Variants in AEN observed in about 807,000 individuals in gnomAD.
The protein encoded by AEN is apoptosis enhancing nuclease.
A neutral mutation model predicts 17.7 loss-of-function variants in AEN; 21 were observed. The ratio of observed to expected loss-of-function variants is 1.19; its 90% CI spans 0.84 to 1.71. The LOEUF (loss-of-function observed/expected upper bound fraction) is 1.71, where lower values mean the gene tolerates loss of function less well. Ranked by LOEUF, AEN falls within the 40% of genes most tolerant of loss-of-function variation. The probability of loss-of-function intolerance (pLI) is 0.00; values close to 1 mark genes in which losing one functional copy is unlikely to be tolerated. For synonymous variants in AEN, 190 were observed against 173.0 expected (o/e 1.10, Z -0.77); for missense variants, 462 against 435.9 (o/e 1.06, Z -0.53).
Position 88,630,634 on chromosome 15 carries a change from C to A in AEN, c.*340C>A, listed in dbSNP as rs1001333505. 4 of 322,318 alleles carry A rather than the reference C, an allele frequency of 1.2e-5. No homozygotes were observed. The Admixed American group carries it at 1.7e-4, about 14-fold the overall frequency. 20.0% of individuals were successfully genotyped at this position (322,318 alleles called of 1,614,324 possible). On this transcript the variant is annotated 3_prime_UTR_variant, in exon 4 of 4. Coordinates refer to ENST00000332810, the MANE Select transcript of AEN (RefSeq NM_022767.4). This position sits in a 1 kb window ranked among gnomAD's most constrained non-coding sequence, Gnocchi z 5.1. ...AGGTTGCCGTGGCCTTCCCCACCCC[C>A]CAGATCTCCTGAGTCATCATGCTGT...
At chr15:88,612,354 C>A in the AEN span, among the ~76,000 whole-genome samples, 1 of 151,954 alleles carries the variant, frequency 6.6e-6, no homozygotes, top group South Asian at 2.1e-4. Flanking sequence ...TACCTGGCAG[C>A]AGGGGGGACA....
At chr15:88,606,383 G>C in the AEN span, among the ~76,000 whole-genome samples, 1 of 152,142 alleles carries the variant, frequency 6.6e-6, no homozygotes, top group African/African-American at 2.4e-5. Flanking sequence ...GATGAAATCT[G>C]TTCAAAAAGA....
intron 1 of AEN, among the ~76,000 whole-genome samples, chr15:88,624,282 G>T (rs2057823569): frequency 6.6e-6 from 1 of 152,172 alleles, no homozygotes; most frequent in African/African-American, 2.4e-5. Context: ...AGGGCTTCTG[G>T]GTGGTGGCGG....
At chr15:88,606,246 C>T in the AEN span, among the ~76,000 whole-genome samples, 1 of 152,148 alleles carries the variant, frequency 6.6e-6, no homozygotes, top group Non-Finnish European at 1.5e-5. Flanking sequence ...TCCCTTCCTT[C>T]CTTCCTCCCC....
upstream of AEN, among the ~76,000 whole-genome samples, chr15:88,618,867 C>G (rs1436246990): frequency 3.9e-5 from 6 of 152,250 alleles, no homozygotes; most frequent in East Asian, 1.2e-3. Flanking sequence ...AGTGCAGTGG[C>G]TCAATCATAG....
chr15:88,611,619 T>G, the AEN span, among the ~76,000 whole-genome samples: 1 of 151,862 alleles, frequency 6.6e-6, no homozygotes, highest in Non-Finnish European at 1.5e-5. Context: ...AAAACAACTG[T>G]GTCCATTATA....
chr15:88,609,294 T>G, the AEN span, among the ~76,000 whole-genome samples: 11 of 152,366 alleles, frequency 7.2e-5, no homozygotes, highest in East Asian at 2.1e-3. Context: ...AAAGTAGGGC[T>G]GAACAAATGT....
rs2057920192 is a variant in AEN at position 88,630,926 on chromosome 15, C to T, written c.*632C>T. ...AGGAACTCCGTGCCTGGCCTGTCAGCTCCCTGCTAGGCTACAGTGGAATAG... is the reference window on the plus strand; with the variant it reads ...AGGAACTCCGTGCCTGGCCTGTCAGTTCCCTGCTAGGCTACAGTGGAATAG... On this transcript the variant is annotated 3_prime_UTR_variant, in exon 4 of 4. Transcript: ENST00000332810. The surrounding 1 kb of genome is among the most constrained non-coding windows in gnomAD (Gnocchi z 5.1). 1 of 316,010 alleles carries T rather than the reference C, an allele frequency of 3.2e-6. No individual in the cohort carries two copies. The highest frequency in any genetic ancestry group is 6.5e-6 in the Non-Finnish European group (1 of 153,528). The allele number at this position is 316,010 out of a possible 1,614,324, so 19.6% of individuals were successfully genotyped here.
At chr15:88,606,825 A>T in the AEN span, among the ~76,000 whole-genome samples, 2 of 152,112 alleles carry the variant, frequency 1.3e-5, no homozygotes, top group Non-Finnish European at 2.9e-5. Context: ...TTCCACCACT[A>T]CAGTCATCCC....
Position 88,629,274 on chromosome 15 carries a change from A to G in AEN, c.589A>G (p.Asn197Asp), listed in dbSNP as rs1365800143. ...GKVVVGHALHNDFQALKYVHP... is the reference protein window; with the variant it reads ...GKVVVGHALHDDFQALKYVHP... ...GGTGGTGGTGGGGCACGCGCTGCAC[A>G]ACGACTTCCAGGCGCTCAAGTATGT... Residue 197 changes from asparagine (N) to aspartate (D), a missense_variant, in exon 3 of 4, where the codon AAC (asparagine) becomes GAC (aspartate). Asn to Asp is a conservative substitution (Grantham distance 23, BLOSUM62 1). Coordinates refer to ENST00000332810, the MANE Select transcript of AEN (RefSeq NM_022767.4). 1 of 1,614,006 alleles carries G rather than the reference A, an allele frequency of 6.2e-7. No homozygotes were observed. The highest frequency in any genetic ancestry group is 1.3e-5 in the African/African-American group (1 of 74,904).
At chr15:88,629,968 C>A in intron 3 of AEN, 90 bp from the exon 4 acceptor site, 3 of 1,259,378 alleles carry the variant, frequency 2.4e-6, no homozygotes, top group South Asian at 2.6e-5. Context: ...TGGGCCTGCA[C>A]AAAGAGCCCT....
the AEN span, among the ~76,000 whole-genome samples, chr15:88,611,210 A>G: frequency 3.3e-5 from 5 of 152,214 alleles, no homozygotes; most frequent in African/African-American, 7.2e-5. Flanking sequence ...TCTCTTCTGC[A>G]TGGTGGTTCA....
the AEN span, chr15:88,607,978 C>G: frequency 3.0e-6 from 1 of 337,820 alleles, no homozygotes. Flanking sequence ...TCCGGGGCAG[C>G]TATCATTGAT....
chr15:88,629,541 A>G, intron 3 of AEN, 115 bp downstream of exon 3: 2 of 1,291,028 alleles, frequency 1.5e-6, no homozygotes, highest in Non-Finnish European at 2.1e-6. Flanking sequence ...TCTCTTCCCT[A>G]GTCCAGGTCC....
At chr15:88,605,653 C>T in the AEN span, among the ~76,000 whole-genome samples, 8 of 152,216 alleles carry the variant, frequency 5.3e-5, no homozygotes, top group African/African-American at 1.9e-4. The surrounding 1 kb of genome is among the most constrained non-coding windows in gnomAD (Gnocchi z 7.6). Context: ...GCCCTATCTG[C>T]TGAAAGAGAG....
chr15:88,609,001 T>C, the AEN span, among the ~76,000 whole-genome samples: 1 of 152,196 alleles, frequency 6.6e-6, no homozygotes, highest in African/African-American at 2.4e-5. Context: ...GAAGTCAAAG[T>C]TCTTTCCCTT....
rs530223417 is a variant in AEN, at chr15:88,626,498, C to T, written c.289C>T (p.Pro97Ser). 2.5e-6 allele frequency: 4 copies of T among 1,614,088 alleles called. No homozygotes were observed. The highest frequency in any genetic ancestry group is 8.5e-7 in the Non-Finnish European group (1 of 1,180,040). Residue 97 changes from proline to serine, a missense_variant, in exon 2 of 4, where the codon CCT (proline) becomes TCT (serine). By Grantham distance (74) the Pro-to-Ser change is moderately conservative. Coordinates refer to ENST00000332810, the MANE Select transcript of AEN (RefSeq NM_022767.4). Reference protein sequence around the residue: ...GSGSAPCSRRPAPGKASGPLP... With the variant: ...GSGSAPCSRRSAPGKASGPLP... ...TGGCAGTGCCCCATGCAGCAGAAGG[C>T]CTGCTCCCGGGAAAGCCTCAGGGCC...
At chr15:88,610,205 T>G in the AEN span, among the ~76,000 whole-genome samples, 54 of 152,282 alleles carry the variant, frequency 3.5e-4, no homozygotes, top group Non-Finnish European at 4.3e-4. Flanking sequence ...GTTACCTTAG[T>G]TAGCATTGTT....
At chr15:88,616,635 T>A (rs1337733263), upstream of AEN, among the ~76,000 whole-genome samples, 1 of 152,252 alleles carries the variant, frequency 6.6e-6, no homozygotes, top group South Asian at 2.1e-4. Context: ...GCAATTTTTT[T>A]ATGATAAATG....
Sources: gnomAD v4.1 joint callset for allele counts (sites outside exome capture counted in the v4.1 genomes callset) on GRCh38, gnomAD v4.1.1 for gene constraint, Gnocchi (gnomAD v3.1) non-coding constraint, MANE v1.5 for transcripts, NCBI Gene and HGNC (gene_info 2026-07-23, HGNC 2026-07-21) for gene names.